GNG12: variants seen among roughly 807,000 people sequenced by gnomAD.
GNG12 encodes the protein G protein subunit gamma 12.
For synonymous variants in GNG12, 28 were observed against 29.7 expected (o/e 0.94, Z 0.19); for missense variants, 69 against 83.8 (o/e 0.82, Z 0.69).
intron 2 of GNG12, among the ~76,000 whole-genome samples, chr1:67,726,811 T>C (rs1646389051): frequency 6.6e-6 from 1 of 152,248 alleles, no homozygotes; most frequent in Non-Finnish European, 1.5e-5. Context: ...TACTAGTGCA[T>C]GTGTTCTCAT....
intron 2 of GNG12, among the ~76,000 whole-genome samples, chr1:67,723,546 T>G (rs1646368059): frequency 1.3e-5 from 2 of 152,252 alleles, no homozygotes; most frequent in Admixed American, 1.3e-4. Flanking sequence ...GAGTTTTTCA[T>G]TTTTTGGAAT....
At chr1:67,713,065 G>A (rs750545751) in intron 2 of GNG12, among the ~76,000 whole-genome samples, 75 of 152,146 alleles carry the variant, frequency 4.9e-4, no homozygotes, top group Admixed American at 6.5e-4. Context: ...ACTGACACGC[G>A]GTGACCTAAA....
chr1:67,744,804 C>T (rs1368923426), intron 2 of GNG12, among the ~76,000 whole-genome samples: 2 of 151,146 alleles, frequency 1.3e-5, no homozygotes, highest in African/African-American at 4.9e-5. Context: ...GGGGTAGATC[C>T]GGCATTTGAA....
At chr1:67,830,925 G>A (rs1017593746) in intron 1 of GNG12, among the ~76,000 whole-genome samples, 2 of 152,172 alleles carry the variant, frequency 1.3e-5, no homozygotes, top group African/African-American at 4.8e-5. Flanking sequence ...CATGTACTGC[G>A]TGTTAAGTCC....
At chr1:67,720,234 C>T (rs1214282946) in intron 2 of GNG12, among the ~76,000 whole-genome samples, 2 of 152,184 alleles carry the variant, frequency 1.3e-5, no homozygotes, top group Non-Finnish European at 2.9e-5. Flanking sequence ...TTCCAAGGGA[C>T]CATGCACACT....
At chr1:67,759,018 G>A (rs572732232) in intron 2 of GNG12, among the ~76,000 whole-genome samples, 1 of 152,210 alleles carries the variant, frequency 6.6e-6, no homozygotes, top group African/African-American at 2.4e-5. Context: ...TTTCAAAACA[G>A]CTAAAAAAAT....
chr1:67,729,441 A>G (rs1029554668), intron 2 of GNG12, among the ~76,000 whole-genome samples: 2 of 152,048 alleles, frequency 1.3e-5, no homozygotes, highest in African/African-American at 4.8e-5. Flanking sequence ...TAGACTCAAA[A>G]CTTTAGTTCT....
intron 1 of GNG12, among the ~76,000 whole-genome samples, chr1:67,791,506 G>C (rs1646801779): frequency 6.6e-6 from 1 of 152,028 alleles, no homozygotes; most frequent in Non-Finnish European, 1.5e-5. Flanking sequence ...TCCCTTCTTG[G>C]GGCTCCCAGG....
At chr1:67,750,227 T>C (rs1646530602) in intron 2 of GNG12, among the ~76,000 whole-genome samples, 1 of 152,228 alleles carries the variant, frequency 6.6e-6, no homozygotes. Flanking sequence ...TTCATGCTTG[T>C]GTGAGGCTCT....
At chr1:67,800,150 G>A (rs544341299) in intron 1 of GNG12, among the ~76,000 whole-genome samples, 12 of 152,246 alleles carry the variant, frequency 7.9e-5, no homozygotes, top group African/African-American at 2.6e-4. Context: ...AACCCATGCA[G>A]AGTTTTTAAC....
At chr1:67,723,879 C>T (rs1646370838) in intron 2 of GNG12, among the ~76,000 whole-genome samples, 1 of 152,148 alleles carries the variant, frequency 6.6e-6, no homozygotes, top group Admixed American at 6.5e-5. Context: ...TTATTAGTCA[C>T]TTTACGGGGT....
intron 2 of GNG12, among the ~76,000 whole-genome samples, chr1:67,761,323 G>A (rs1646602912): frequency 6.6e-6 from 1 of 152,236 alleles, no homozygotes; most frequent in South Asian, 2.1e-4. Flanking sequence ...TAATAACTGA[G>A]TGAAAAATCA....
intron 1 of GNG12, among the ~76,000 whole-genome samples, chr1:67,823,466 C>T (rs911262029): frequency 5.9e-5 from 9 of 152,194 alleles, no homozygotes; most frequent in African/African-American, 1.7e-4. Context: ...AGAGCCATCA[C>T]ATTTGTAAGT....
chr1:67,744,999 C>G (rs1285610557), intron 2 of GNG12, among the ~76,000 whole-genome samples: 1 of 152,206 alleles, frequency 6.6e-6, no homozygotes, highest in Non-Finnish European at 1.5e-5. Flanking sequence ...CTCTGTACCT[C>G]TTTCTATATC....
At chr1:67,776,408 T>A (rs921975104) in intron 2 of GNG12, among the ~76,000 whole-genome samples, 1 of 152,154 alleles carries the variant, frequency 6.6e-6, no homozygotes, top group African/African-American at 2.4e-5. Flanking sequence ...ACCCTGTAGC[T>A]CCTCTGTCAT....
At chr1:67,818,413 G>GTTTTTTTT (rs1163831257) in intron 1 of GNG12, among the ~76,000 whole-genome samples, 4 of 83,900 alleles carry the variant, frequency 4.8e-5, no homozygotes, top group Non-Finnish European at 6.7e-5. Flanking sequence ...AAGACCAGGG[G>GTTTTTTTT]TTTTTTTTTT....
At chr1:67,749,411 G>A (rs193099412) in intron 2 of GNG12, among the ~76,000 whole-genome samples, 1 of 152,326 alleles carries the variant, frequency 6.6e-6, no homozygotes, top group Admixed American at 6.5e-5. Flanking sequence ...CATATGGAGT[G>A]CCTGGAACAC....
intron 1 of GNG12, among the ~76,000 whole-genome samples, chr1:67,811,824 T>C (rs987319657): frequency 6.6e-6 from 1 of 152,216 alleles, no homozygotes; most frequent in Non-Finnish European, 1.5e-5. Context: ...CAGTTGAGAA[T>C]CACTGTCTAG....
At chr1:67,734,509 A>T (rs908371751) in intron 2 of GNG12, among the ~76,000 whole-genome samples, 1 of 152,202 alleles carries the variant, frequency 6.6e-6, no homozygotes, top group Non-Finnish European at 1.5e-5. Context: ...CACTACACAG[A>T]TGGGGGAAGT....
Sources: allele counts gnomAD v4.1 joint callset (sites outside exome capture counted in the v4.1 genomes callset), GRCh38; gene constraint gnomAD v4.1.1; transcripts MANE v1.5; gene names NCBI Gene and HGNC (gene_info 2026-07-23, HGNC 2026-07-21).